DNAJC18: variants seen among roughly 807,000 people sequenced by gnomAD.
The protein encoded by DNAJC18 is DnaJ heat shock protein family (Hsp40) member C18.
A neutral mutation model predicts 48.6 loss-of-function variants in DNAJC18; 40 were observed. The ratio of observed to expected loss-of-function variants is 0.82; its 90% confidence interval spans 0.64 to 1.07. The LOEUF (loss-of-function observed/expected upper bound fraction) is 1.07. DNAJC18 is among the 50% of genes least tolerant of loss of function. DNAJC18 has a pLI of 0.00. For synonymous variants in DNAJC18, 135 were observed against 152.2 expected, an observed-to-expected ratio of 0.89 and a Z score of 0.83; for missense variants, 340 against 427.7, an observed-to-expected ratio of 0.79 and a Z score of 1.81.
chr5:139,437,669 T>G (rs901480720), intron 1 of DNAJC18, 111 bp from the exon 2 acceptor site: 31 of 1,285,784 alleles, frequency 2.4e-5, no homozygotes, highest in Non-Finnish European at 3.3e-5. Context: ...GTAAGCATGA[T>G]GGCCAGGGCT....
intron 5 of DNAJC18, 70 bp downstream of exon 5, chr5:139,424,935 G>A: frequency 7.7e-7 from 1 of 1,294,350 alleles, no homozygotes; most frequent in South Asian, 1.2e-5. Flanking sequence ...TCTAAAACTT[G>A]ACCATGTACC....
intron 7 of DNAJC18, chr5:139,418,952 G>A (rs1473904945): frequency 4.6e-6 from 2 of 433,862 alleles, no homozygotes; most frequent in African/African-American, 4.0e-5. Context: ...ATGTTAGCAG[G>A]CTGAACAAAG....
At chr5:139,423,307 AT>A (rs1297963296) in intron 5 of DNAJC18, among the ~76,000 whole-genome samples, 2 of 152,126 alleles carry the variant, frequency 1.3e-5, no homozygotes, top group Admixed American at 1.3e-4. Context: ...AAAATTCAAA[AT>A]CACAAATGCT....
intron 2 of DNAJC18, among the ~76,000 whole-genome samples, chr5:139,432,204 A>C (rs1234283315): frequency 6.6e-6 from 1 of 150,814 alleles, no homozygotes; most frequent in African/African-American, 2.4e-5. Flanking sequence ...CACTCTTGTC[A>C]TCTAGGCTGG....
chr5:139,418,917 A>G, intron 7 of DNAJC18: 1 of 452,314 alleles, frequency 2.2e-6, no homozygotes, highest in Non-Finnish European at 4.5e-6. Context: ...TATCCCTGGA[A>G]CTCTAACACT....
intron 2 of DNAJC18, among the ~76,000 whole-genome samples, chr5:139,436,735 C>G (rs1750667025): frequency 6.6e-6 from 1 of 151,484 alleles, no homozygotes; most frequent in Non-Finnish European, 1.5e-5. Flanking sequence ...CTGTCTAGTT[C>G]CTTAAGGTAG....
chr5:139,425,553 A>G (rs1251090546), intron 4 of DNAJC18, among the ~76,000 whole-genome samples: 2 of 152,212 alleles, frequency 1.3e-5, no homozygotes. Context: ...AAATAAGACA[A>G]TAGGCAAGCC....
At chr5:139,415,771 T>C (rs1170335917) in intron 7 of DNAJC18, among the ~76,000 whole-genome samples, 2 of 152,250 alleles carry the variant, frequency 1.3e-5, no homozygotes, top group Non-Finnish European at 2.9e-5. Flanking sequence ...TCTATGCCTT[T>C]AGTCCTCTGG....
At chr5:139,427,602 C>T (rs748828712) in intron 3 of DNAJC18, among the ~76,000 whole-genome samples, 35 of 152,128 alleles carry the variant, frequency 2.3e-4, no homozygotes, top group African/African-American at 5.8e-4. Flanking sequence ...ACAGATATTA[C>T]GTCACCTTGC....
At chr5:139,415,586 G>T (rs1014398283) in intron 7 of DNAJC18, among the ~76,000 whole-genome samples, 1 of 152,226 alleles carries the variant, frequency 6.6e-6, no homozygotes, top group Non-Finnish European at 1.5e-5. Context: ...CTGCTAGCCA[G>T]GGCTTGCCTT....
chr5:139,435,352 CAAA>C (rs562542538), intron 2 of DNAJC18, among the ~76,000 whole-genome samples: 1 of 145,176 alleles, frequency 6.9e-6, no homozygotes, highest in African/African-American at 2.5e-5. Flanking sequence ...GAATCCGTCT[CAAA>C]AAAAAAAGAG....
rs779209737 is a variant in DNAJC18, at chr5:139,420,140, C to T, written c.865G>A (p.Gly289Arg). The change falls in exon 7 of 8, where the codon GGA becomes AGA. Residue 289 changes from glycine (G) to arginine (R), a missense_variant. Physicochemically the swap from Gly to Arg is moderately radical, Grantham distance 125. Transcript: ENST00000302060. ...TTCTCCAAGTCATGCAGAGAAGCTC[C>T]TCTGTAGGCCTTGTCAAAGTTTTTA... Reference protein sequence around the residue: ...VDKNFDKAYRGASLHDLEKTI... With the variant: ...VDKNFDKAYRRASLHDLEKTI... 1 of 1,610,850 alleles carries T rather than the reference C, an allele frequency of 6.2e-7. No homozygotes were observed. Among genetic ancestry groups the T allele is most frequent in the Middle Eastern group, 1.7e-4 (1 of 6,054 alleles).
At chr5:139,414,713 G>A (rs1296612418) in intron 7 of DNAJC18, among the ~76,000 whole-genome samples, 4 of 152,194 alleles carry the variant, frequency 2.6e-5, no homozygotes, top group Non-Finnish European at 5.9e-5. Flanking sequence ...TCACATGTGC[G>A]AAGGCACACA....
Position 139,411,959 on chromosome 5 carries a change from A to G in DNAJC18, c.*2189T>C, listed in dbSNP as rs1210079470. 1 of 152,200 alleles carries G rather than the reference A, an allele frequency of 6.6e-6. No homozygotes were observed. Among genetic ancestry groups the G allele is most frequent in the Non-Finnish European group, 1.5e-5 (1 of 68,052 alleles). The allele number at this position is 152,200 out of a possible 1,614,324, so 9.4% of individuals were successfully genotyped here. A position where few individuals can be genotyped will look rare whatever the true frequency, so the allele number is the denominator to read the frequency against. On this transcript the variant is annotated 3_prime_UTR_variant, in exon 8 of 8. Coordinates refer to ENST00000302060, the MANE Select transcript of DNAJC18 (RefSeq NM_152686.4). ...CCATAAGCCTGTTTGGCTCATGGAC[A>G]TATTTTACAATGTAACCTCCCTCAG...
At chr5:139,435,836 G>T (rs1428889832) in intron 2 of DNAJC18, among the ~76,000 whole-genome samples, 1 of 148,770 alleles carries the variant, frequency 6.7e-6, no homozygotes, top group African/African-American at 2.5e-5. Context: ...CTCCTGAGCA[G>T]CTGGAACTGC....
chr5:139,429,142 G>A (rs1421011059), intron 2 of DNAJC18, among the ~76,000 whole-genome samples: 1 of 134,806 alleles, frequency 7.4e-6, no homozygotes, highest in East Asian at 2.2e-4. Flanking sequence ...GGAGTGCAAT[G>A]GCGCGATCTC....
intron 7 of DNAJC18, 141 bp downstream of exon 7, chr5:139,419,912 C>A: frequency 1.2e-6 from 1 of 817,022 alleles, no homozygotes; most frequent in Non-Finnish European, 1.8e-6. Context: ...TTTATAGTAT[C>A]CTGAATGGCC....
chr5:139,437,986 C>T (rs72790969), intron 1 of DNAJC18, among the ~76,000 whole-genome samples: 9,780 of 152,284 alleles, frequency 0.064, 440 homozygotes, highest in Non-Finnish European at 0.091. Flanking sequence ...TGGCCCAGCA[C>T]GGCTTTGAGC....
intron 5 of DNAJC18, 150 bp downstream of exon 5, chr5:139,424,855 G>T: frequency 1.7e-6 from 1 of 605,500 alleles, no homozygotes. Context: ...CAATTTTCCA[G>T]CTCTTCTAAC....
Sources: allele counts gnomAD v4.1 joint callset (sites outside exome capture counted in the v4.1 genomes callset), GRCh38; gene constraint gnomAD v4.1.1; transcripts MANE v1.5; gene names NCBI Gene and HGNC (gene_info 2026-07-23, HGNC 2026-07-21).